ARNT2: variants seen among roughly 807,000 people sequenced by gnomAD.
ARNT2 encodes aryl hydrocarbon receptor nuclear translocator 2.
Under a neutral mutation model 91.7 loss-of-function variants are expected in ARNT2, and 36 were observed. The ratio of observed to expected loss-of-function variants is 0.39; its 90% confidence interval spans 0.30 to 0.52. The LOEUF (loss-of-function observed/expected upper bound fraction) is 0.52. ARNT2 is among the 20% of genes least tolerant of loss of function. The pLI, the probability that ARNT2 is intolerant of heterozygous loss-of-function variation, is 0.72. For missense variants in ARNT2, 775 were observed against 939.3 expected (o/e 0.83, Z 2.29); for synonymous variants, 365 against 347.1 (o/e 1.05, Z -0.57).
At chr15:80,478,105 C>A (rs952994757) in intron 5 of ARNT2, among the ~76,000 whole-genome samples, 1 of 152,160 alleles carries the variant, frequency 6.6e-6, no homozygotes, top group Non-Finnish European at 1.5e-5. Flanking sequence ...AAGGGACACA[C>A]CTTATAAAGT....
At chr15:80,434,343 T>C (rs138577482) in intron 1 of ARNT2, 8 of 152,364 alleles carry the variant, frequency 5.3e-5, no homozygotes, top group African/African-American at 1.9e-4. Context: ...GTGCTCCTTT[T>C]TCTCCAGTTC....
At chr15:80,519,297 G>A (rs1033599059) in intron 8 of ARNT2, among the ~76,000 whole-genome samples, 1 of 152,204 alleles carries the variant, frequency 6.6e-6, no homozygotes, top group African/African-American at 2.4e-5. Flanking sequence ...AAAGGGAAAA[G>A]GGTGGATATG....
intron 5 of ARNT2, among the ~76,000 whole-genome samples, chr15:80,499,796 G>C (rs1897166677): frequency 6.6e-6 from 1 of 152,188 alleles, no homozygotes; most frequent in African/African-American, 2.4e-5. Context: ...GAGGGAGATG[G>C]GATCTTGTAA....
chr15:80,581,977 A>G (rs1898806965), intron 17 of ARNT2, among the ~76,000 whole-genome samples: 1 of 152,200 alleles, frequency 6.6e-6, no homozygotes, highest in Non-Finnish European at 1.5e-5. Context: ...ACTCCACGTC[A>G]GGACAAGCTC....
At chr15:80,538,214 A>G (rs973536001) in intron 8 of ARNT2, among the ~76,000 whole-genome samples, 2 of 152,228 alleles carry the variant, frequency 1.3e-5, no homozygotes, top group African/African-American at 4.8e-5. Flanking sequence ...TTATACCTTT[A>G]ATGTACTTTT....
At chr15:80,520,582 TA>T (rs1897526938) in intron 8 of ARNT2, among the ~76,000 whole-genome samples, 1 of 151,684 alleles carries the variant, frequency 6.6e-6, no homozygotes, top group African/African-American at 2.4e-5. Context: ...TAAATAAAAA[TA>T]AAAAAATACC....
At chr15:80,509,731 A>C (rs1897317005) in intron 6 of ARNT2, among the ~76,000 whole-genome samples, 1 of 152,186 alleles carries the variant, frequency 6.6e-6, no homozygotes, top group South Asian at 2.1e-4. Context: ...GAATGAAACA[A>C]GGGAATGTCT....
rs1009069781 is a variant in ARNT2 at position 80,435,374 on chromosome 15, C to T, written c.32-15506C>T. 4.6e-5 allele frequency among the ~76,000 whole-genome samples: 7 copies of T among 152,304 alleles called. No individual in the cohort carries two copies. In the East Asian group the frequency reaches 1.4e-3, roughly 29 times the overall value. On this transcript the variant is annotated intron_variant, in intron 1 of 18. Transcript: ENST00000303329. ...GGATTGCGGGCATAGTAACTTCCTC[C>T]TGAGAAGAGCCGTTATTGGGTCAGT...
chr15:80,561,084 A>G (rs1898335796), intron 11 of ARNT2, among the ~76,000 whole-genome samples: 1 of 152,138 alleles, frequency 6.6e-6, no homozygotes, highest in African/African-American at 2.4e-5. Context: ...GAGGATAGAG[A>G]TGGGGTATTC....
At chr15:80,463,908 G>C (rs1431294343) in intron 3 of ARNT2, among the ~76,000 whole-genome samples, 1 of 152,130 alleles carries the variant, frequency 6.6e-6, no homozygotes, top group Non-Finnish European at 1.5e-5. Context: ...GCTCTCACAT[G>C]ATGGACCTGC....
chr15:80,423,927 G>A (rs1343120138), intron 1 of ARNT2, among the ~76,000 whole-genome samples: 2 of 152,212 alleles, frequency 1.3e-5, no homozygotes, highest in African/African-American at 4.8e-5. Context: ...TTGGCTTCAA[G>A]TAAAGATCCA....
chr15:80,583,817 C>T (rs927056908), intron 17 of ARNT2, among the ~76,000 whole-genome samples: 8 of 152,190 alleles, frequency 5.3e-5, no homozygotes, highest in Admixed American at 1.3e-4. Context: ...TCTGTACTTA[C>T]CATCATTTTC....
chr15:80,536,468 G>A (rs1050900743), intron 8 of ARNT2, among the ~76,000 whole-genome samples: 2 of 152,274 alleles, frequency 1.3e-5, no homozygotes, highest in African/African-American at 4.8e-5. Context: ...GGGGAAGATG[G>A]AGCCACCCTA....
chr15:80,437,560 T>C (rs2141574886), intron 1 of ARNT2, among the ~76,000 whole-genome samples: 1 of 152,372 alleles, frequency 6.6e-6, no homozygotes, highest in Admixed American at 6.5e-5. Context: ...GCTCAGGGCC[T>C]GCCACCTCTT....
At chr15:80,539,600 G>A (rs1350880210) in intron 8 of ARNT2, among the ~76,000 whole-genome samples, 1 of 151,994 alleles carries the variant, frequency 6.6e-6, no homozygotes, top group Non-Finnish European at 1.5e-5. Flanking sequence ...ATAAGTTAAG[G>A]AAATAAAATA....
At chr15:80,524,373 C>T (rs527899941) in intron 8 of ARNT2, among the ~76,000 whole-genome samples, 5 of 152,252 alleles carry the variant, frequency 3.3e-5, no homozygotes, top group South Asian at 2.1e-4. Context: ...ATGTGCACCT[C>T]TTGAGATACA....
chr15:80,530,087 AT>A (rs1000994222), intron 8 of ARNT2, among the ~76,000 whole-genome samples: 1 of 151,646 alleles, frequency 6.6e-6, no homozygotes, highest in South Asian at 2.1e-4. Flanking sequence ...TAGGCTTGTG[AT>A]TTTTTTTCCA....
chr15:80,580,394 A>G lies in ARNT2; in HGVS notation c.1614-17A>G, dbSNP rs746443006. 2 of 1,613,786 alleles carry G rather than the reference A, an allele frequency of 1.2e-6. No homozygotes were observed. The highest frequency in any genetic ancestry group is 1.7e-6 in the Non-Finnish European group (2 of 1,179,938). On this transcript the variant is annotated splice_polypyrimidine_tract_variant and intron_variant, in intron 15 of 18. Coordinates refer to ENST00000303329, the MANE Select transcript of ARNT2 (RefSeq NM_014862.4). ...CCAGGTGTGTCCTCGGGATAAATGC[A>G]TTTTCCTCTTTTCTAGCTCTTCAGT... is the stretch of plus-strand genomic sequence containing the variant.
chr15:80,564,425 A>G (rs992060559), intron 12 of ARNT2, among the ~76,000 whole-genome samples: 15 of 151,906 alleles, frequency 9.9e-5, no homozygotes, highest in Admixed American at 2.6e-4. Context: ...TCCAGGCAAC[A>G]CCACCCTCTG....
Sources: allele counts gnomAD v4.1 joint callset (sites outside exome capture counted in the v4.1 genomes callset), GRCh38; gene constraint gnomAD v4.1.1; transcripts MANE v1.5; gene names NCBI Gene and HGNC (gene_info 2026-07-23, HGNC 2026-07-21).